Variants in LARS2 observed in about 807,000 individuals in gnomAD.
LARS2 encodes leucine--tRNA ligase, mitochondrial.
LARS2 carries 81 observed loss-of-function variants against 116.6 expected under a neutral mutation model. The observed-to-expected ratio is 0.69, with a 90% confidence interval of 0.58 to 0.84. The LOEUF (loss-of-function observed/expected upper bound fraction) is 0.84, where lower values mean the gene tolerates loss of function less well. Ranked by LOEUF, LARS2 falls within the 40% of genes least tolerant of loss-of-function variation. The probability of loss-of-function intolerance (pLI) is 0.00; values close to 1 mark genes in which losing one functional copy is unlikely to be tolerated. For synonymous variants in LARS2, 396 were observed against 407.2 expected, an observed-to-expected ratio of 0.97 and a Z score of 0.33; for missense variants, 968 against 1,114.5, an observed-to-expected ratio of 0.87 and a Z score of 1.87.
intron 6 of LARS2, among the ~76,000 whole-genome samples, chr3:45,436,799 C>A (rs373199524): frequency 5.8e-3 from 700 of 121,158 alleles, no homozygotes; most frequent in African/African-American, 8.6e-3. Context: ...AGACTCGTCT[C>A]AAAAAAAAAA....
intron 6 of LARS2, among the ~76,000 whole-genome samples, chr3:45,435,950 G>A (rs1698793855): frequency 6.8e-6 from 1 of 147,174 alleles, no homozygotes; most frequent in Non-Finnish European, 1.5e-5. Flanking sequence ...CTCACCTCTG[G>A]TGAGATTCTG....
chr3:45,462,835 G>A (rs17077856), intron 8 of LARS2, among the ~76,000 whole-genome samples: 5,224 of 152,274 alleles, frequency 0.034, 235 homozygotes, highest in East Asian at 0.095. Context: ...AGTGCCTGAT[G>A]TGAAAATTAC....
chr3:45,529,139 G>T (rs1297641115), intron 20 of LARS2, among the ~76,000 whole-genome samples: 3 of 152,132 alleles, frequency 2.0e-5, no homozygotes, highest in Non-Finnish European at 4.4e-5. Context: ...AAAGTGCTGG[G>T]ATTGCAGATG....
rs752585512 is a variant in LARS2, at chr3:45,496,281, G to A, written c.1530G>A (p.Lys510=). ...AATTTCATTTCTTTCTTAGGTGCAA[G>A]GGAGCAGCCAAGAGAGAGACAGACA... ...EWVNCSCPRC[K]GAAKRETDTM... is the part of the protein sequence containing the mutation. Residue 510 remains lysine, a synonymous_variant, in exon 14 of 22, where the codon AAG becomes AAA. Transcript: ENST00000645846. The A allele has an allele frequency of 1.2e-5, 20 of 1,612,558 alleles. 1 individual carries two copies. The South Asian group carries it at 2.1e-4, about 17-fold the overall frequency.
intron 15 of LARS2, among the ~76,000 whole-genome samples, chr3:45,511,137 C>T (rs58399281): frequency 0.11 from 16,198 of 152,212 alleles, 1,069 homozygotes; most frequent in Middle Eastern, 0.18. Flanking sequence ...GATGATCCAT[C>T]TGAGATGGCC....
At chr3:45,435,490 A>G (rs1194768413) in intron 6 of LARS2, among the ~76,000 whole-genome samples, 2 of 152,260 alleles carry the variant, frequency 1.3e-5, no homozygotes, top group African/African-American at 2.4e-5. Flanking sequence ...TAGAATGGTT[A>G]TTGTCTAAAA....
At chr3:45,533,396 C>T (rs1471663506) in intron 20 of LARS2, among the ~76,000 whole-genome samples, 1 of 152,082 alleles carries the variant, frequency 6.6e-6, no homozygotes, top group Admixed American at 6.5e-5. Flanking sequence ...ATCCGCCCGC[C>T]TCGGCCTACC....
At chr3:45,439,702 G>C (rs1285740753) in intron 6 of LARS2, among the ~76,000 whole-genome samples, 1 of 152,036 alleles carries the variant, frequency 6.6e-6, no homozygotes, top group Non-Finnish European at 1.5e-5. Flanking sequence ...GTTGGGGTGG[G>C]GCTGAGGCAT....
chr3:45,434,235 T>C (rs1464231006), intron 6 of LARS2, among the ~76,000 whole-genome samples: 1 of 152,218 alleles, frequency 6.6e-6, no homozygotes. Context: ...GATCTTTTGT[T>C]ATAGTTCCAC....
At chr3:45,546,914 A>G (rs1423298809) in intron 21 of LARS2, among the ~76,000 whole-genome samples, 1 of 152,110 alleles carries the variant, frequency 6.6e-6, no homozygotes, top group Non-Finnish European at 1.5e-5. Flanking sequence ...TCCACTTGAG[A>G]CCTAGGTAAA....
At chr3:45,448,546 C>T (rs1036728019) in intron 7 of LARS2, among the ~76,000 whole-genome samples, 4 of 152,230 alleles carry the variant, frequency 2.6e-5, no homozygotes, top group Admixed American at 6.5e-5. Flanking sequence ...TCAGGGGTCT[C>T]ACAGCCTTCA....
At chr3:45,447,230 G>C (rs1250109421) in intron 7 of LARS2, among the ~76,000 whole-genome samples, 2 of 152,172 alleles carry the variant, frequency 1.3e-5, no homozygotes, top group African/African-American at 4.8e-5. Flanking sequence ...TAAGAAGAAA[G>C]AACACAGGCT....
chr3:45,456,321 G>C (rs1250502894), intron 7 of LARS2, among the ~76,000 whole-genome samples: 1 of 152,140 alleles, frequency 6.6e-6, no homozygotes, highest in African/African-American at 2.4e-5. Context: ...GGTGACTCAC[G>C]CCTGTAATCC....
At chr3:45,544,980 G>T (rs1457177829) in intron 21 of LARS2, among the ~76,000 whole-genome samples, 1 of 152,074 alleles carries the variant, frequency 6.6e-6, no homozygotes, top group Non-Finnish European at 1.5e-5. Flanking sequence ...CTCCTCAGAG[G>T]CCAGACACCC....
chr3:45,455,740 C>T (rs1184233557), intron 7 of LARS2, among the ~76,000 whole-genome samples: 1 of 151,980 alleles, frequency 6.6e-6, no homozygotes, highest in Non-Finnish European at 1.5e-5. Context: ...ATGGAATCAA[C>T]CTAAGTGTCC....
At chr3:45,410,131 C>T (rs41480152) in intron 4 of LARS2, among the ~76,000 whole-genome samples, 17,935 of 152,138 alleles carry the variant, frequency 0.12, 1,286 homozygotes, top group Middle Eastern at 0.18. Context: ...GACAAAGAAA[C>T]CAAGTGGTAA....
In LARS2 at chr3:45,543,462, TA is replaced by T. The variant is rs1410361396; in HGVS notation, c.2532+1507del. On this transcript the variant is annotated intron_variant, in intron 21 of 21. Coordinates refer to ENST00000645846, the MANE Select transcript of LARS2 (RefSeq NM_015340.4). Reference sequence around the variant, plus strand: ...CACCCAACCCAGAATTTTTTTTTTTTATTTTTTTATTTTTTTTTTTGGTGAG... The same window carrying T: ...CACCCAACCCAGAATTTTTTTTTTTTTTTTTTTATTTTTTTTTTTGGTGAG... Among the ~76,000 whole-genome samples, 461 of 149,230 alleles carry T rather than the reference TA, an allele frequency of 3.1e-3. 4 individuals carry two copies. The highest frequency in any genetic ancestry group is 0.01 in the African/African-American group (425 of 40,630).
intron 6 of LARS2, among the ~76,000 whole-genome samples, chr3:45,435,997 G>A (rs1698794529): frequency 6.6e-6 from 1 of 152,218 alleles, no homozygotes; most frequent in African/African-American, 2.4e-5. Flanking sequence ...AAAAATCACT[G>A]GACTCTCAAA....
chr3:45,518,127 A>C, intron 18 of LARS2, 55 bp downstream of exon 18: 1 of 1,460,500 alleles, frequency 6.8e-7, no homozygotes. Context: ...CTCTTTGGGA[A>C]CCTTTGCCTG....
Sources: gnomAD v4.1 joint callset for allele counts (sites outside exome capture counted in the v4.1 genomes callset) on GRCh38, gnomAD v4.1.1 for gene constraint, MANE v1.5 for transcripts, NCBI Gene and HGNC (gene_info 2026-07-23, HGNC 2026-07-21) for gene names.